LILRB4: variants seen among roughly 807,000 people sequenced by gnomAD.
LILRB4 encodes the protein leukocyte immunoglobulin-like receptor subfamily B member 4.
A neutral mutation model predicts 55.2 loss-of-function variants in LILRB4; 49 were observed. The ratio of observed to expected loss-of-function variants is 0.89; its 90% CI spans 0.71 to 1.13. The LOEUF (loss-of-function observed/expected upper bound fraction) is 1.13. LILRB4 is among the 50% of genes most tolerant of loss of function. The pLI, the probability that LILRB4 is intolerant of heterozygous loss-of-function variation, is 0.00. For synonymous variants in LILRB4, 229 were observed against 213.8 expected, an observed-to-expected ratio of 1.07 and a Z score of -0.62; for missense variants, 590 against 555.2, an observed-to-expected ratio of 1.06 and a Z score of -0.63.
In LILRB4 at chr19:54,666,108, T is replaced by A. The variant is rs2065250346; in HGVS notation, c.875-132T>A. 8.0e-7 allele frequency: 1 copy of A among 1,251,938 alleles called. No homozygotes were observed. Among genetic ancestry groups the A allele is most frequent in the Non-Finnish European group, 1.1e-6 (1 of 897,308 alleles). The allele number at this position is 1,251,938 out of a possible 1,614,324, so 77.6% of individuals were successfully genotyped here. A position where few individuals can be genotyped will look rare whatever the true frequency, so the allele number is the denominator to read the frequency against. On this transcript the variant is annotated intron_variant, in intron 7 of 11. Coordinates refer to ENST00000430952, the Ensembl canonical transcript of LILRB4. This position sits in a 1 kb window ranked among gnomAD's most constrained non-coding sequence, Gnocchi z 4.8. Reference sequence around the variant, plus strand: ...AATGGAAGTGCTTTATTCTTTCGGTTTTTCTAAACTTAGAAAGTATTTAAA... The same window carrying A: ...AATGGAAGTGCTTTATTCTTTCGGTATTTCTAAACTTAGAAAGTATTTAAA...
At chr19:54,664,466 C>A (rs1392509411) in exon 4 of LILRB4, 1 of 1,606,828 alleles carries the variant, frequency 6.2e-7, no homozygotes, top group East Asian at 2.2e-5. Flanking sequence ...CCAGTGACCC[C>A]CTGGAGCTCA....
chr19:54,665,715 G>A lies in LILRB4; in HGVS notation c.758-100G>A. 7.4e-7 allele frequency: 1 copy of A among 1,355,398 alleles called. No individual in the cohort carries two copies. Among genetic ancestry groups the A allele is most frequent in the Non-Finnish European group, 1.0e-6 (1 of 968,842 alleles). 84.0% of individuals were successfully genotyped at this position (1,355,398 alleles called of 1,614,324 possible). ...GGTTGCACAACTGCTGTGAGGGTTG[G>A]AGGTAATGAAAGAAAGACCCAGCAC... On this transcript the variant is annotated intron_variant, in intron 6 of 11. Transcript: ENST00000430952. The surrounding 1 kb of genome is among the most constrained non-coding windows in gnomAD (Gnocchi z 5.5).
Position 54,666,574 on chromosome 19 carries a change from CG to C in LILRB4, c.989-119del. The C allele has an allele frequency of 7.0e-7, 1 of 1,423,934 alleles. No homozygotes were observed. Among genetic ancestry groups the C allele is most frequent in the Non-Finnish European group, 9.8e-7 (1 of 1,021,442 alleles). 88.2% of individuals were successfully genotyped at this position (1,423,934 alleles called of 1,614,324 possible). A position where few individuals can be genotyped will look rare whatever the true frequency, so the allele number is the denominator to read the frequency against. On this transcript the variant is annotated intron_variant, in intron 9 of 11. Transcript: ENST00000430952. The surrounding 1 kb of genome is among the most constrained non-coding windows in gnomAD (Gnocchi z 4.8). Reference sequence around the variant, plus strand: ...GGTCTGAACCCACATTGTGGGACCTCGGGGACATCACAGCCCCTCCCTGCGT... The same window carrying C: ...GGTCTGAACCCACATTGTGGGACCTCGGGACATCACAGCCCCTCCCTGCGT...
At position 54,665,483 on chromosome 19, in the gene LILRB4, C is replaced by T. The variant is rs542998182; in HGVS notation, c.757+303C>T. The stretch of plus-strand genomic sequence containing the variant: ...GGTGACCTGGGGCAGGGGAGGGGAG[C>T]AGGGCGGTGGTTCAAGACAGTCAGG... On this transcript the variant is annotated intron_variant, in intron 6 of 11. Coordinates refer to ENST00000430952, the Ensembl canonical transcript of LILRB4. This position sits in a 1 kb window ranked among gnomAD's most constrained non-coding sequence, Gnocchi z 5.5. 2.6e-5 allele frequency among the ~76,000 whole-genome samples: 4 copies of T among 152,080 alleles called. No individual in the cohort carries two copies. In the East Asian group the frequency reaches 7.7e-4, roughly 29 times the overall value.
intron 4 of LILRB4, 40 bp from the exon 5 acceptor site, chr19:54,664,759 C>A: frequency 2.0e-6 from 3 of 1,476,990 alleles, no homozygotes; most frequent in South Asian, 1.3e-5. Context: ...GACCCAAGGG[C>A]AACCCCAGAC....
chr19:54,667,292 G>A (rs1214033714), intron 10 of LILRB4: 3 of 583,880 alleles, frequency 5.1e-6, no homozygotes, highest in East Asian at 6.9e-5. Context: ...AGGGAGGGCT[G>A]TCTGCTCAGC....
Position 54,666,377 on chromosome 19 carries a change from A to C in LILRB4, c.951-22A>C, listed in dbSNP as rs559536880. 1.8e-4 allele frequency: 298 copies of C among 1,613,398 alleles called. 2 individuals carry two copies. In the South Asian group the frequency reaches 2.9e-3, roughly 16 times the overall value. On this transcript the variant is annotated intron_variant, in intron 8 of 11. Transcript: ENST00000430952. This position sits in a 1 kb window ranked among gnomAD's most constrained non-coding sequence, Gnocchi z 4.8. ...CCAACAGCCACCTCACTGTCCCCTT[A>C]CACTCCCGTATCCTCCCCCAGGTCC...
In LILRB4 at chr19:54,666,215, T is replaced by C. The variant is rs1399950627; in HGVS notation, c.875-25T>C. ...CAGGTGGTTCTAACGTTCCCAGAGC[T>C]GAGACTCTGTCCATCTTCCCCCAGC... On this transcript the variant is annotated intron_variant, in intron 7 of 11. Coordinates refer to ENST00000430952, the Ensembl canonical transcript of LILRB4. This position sits in a 1 kb window ranked among gnomAD's most constrained non-coding sequence, Gnocchi z 4.8. 1.3e-6 allele frequency: 2 copies of C among 1,564,726 alleles called. No homozygotes were observed. The highest frequency in any genetic ancestry group is 2.2e-5 in the East Asian group (1 of 44,582).
At chr19:54,664,146 G>T in intron 3 of LILRB4, 40 bp from the exon 4 acceptor site, 1 of 1,470,672 alleles carries the variant, frequency 6.8e-7, no homozygotes, top group Non-Finnish European at 9.3e-7. Context: ...GATGTGGGAG[G>T]TGGGAGCCCC....
chr19:54,663,784 A>G, exon 3 of LILRB4: 1 of 1,614,056 alleles, frequency 6.2e-7, no homozygotes, highest in Non-Finnish European at 8.5e-7. Flanking sequence ...CTCTGGGCTG[A>G]GCCAGGCTCT....
Position 54,666,774 on chromosome 19 carries a change from C to T in LILRB4, c.1041+25C>T, listed in dbSNP as rs774073491. 29 of 1,607,290 alleles carry T rather than the reference C, an allele frequency of 1.8e-5. No homozygotes were observed. Among genetic ancestry groups the T allele is most frequent in the Non-Finnish European group, 2.5e-5 (29 of 1,174,012 alleles). On this transcript the variant is annotated intron_variant, in intron 10 of 11. Transcript: ENST00000430952. This position sits in a 1 kb window ranked among gnomAD's most constrained non-coding sequence, Gnocchi z 4.8. ...GGTGAGAACCCGCCCCTGTCCCCGGCACCAAAGGCCTCCTGGTGCCAGATC... is the reference window on the plus strand; with the variant it reads ...GGTGAGAACCCGCCCCTGTCCCCGGTACCAAAGGCCTCCTGGTGCCAGATC...
intron 3 of LILRB4, 22 bp from the exon 4 acceptor site, chr19:54,664,164 A>G (rs2065152760): frequency 6.2e-7 from 1 of 1,602,814 alleles, no homozygotes; most frequent in Non-Finnish European, 8.5e-7. Flanking sequence ...CCCATTTAAC[A>G]CGGTGCCTCC....
At chr19:54,667,726 C>T (rs2065354392) in exon 11 of LILRB4, 1 of 1,611,372 alleles carries the variant, frequency 6.2e-7, no homozygotes, top group Admixed American at 1.7e-5. Flanking sequence ...CCTCCCTCCC[C>T]ACTGTCTGGG....
At chr19:54,664,871 C>T (rs777190361) in intron 5 of LILRB4, 22 bp downstream of exon 5, 4 of 1,608,852 alleles carry the variant, frequency 2.5e-6, no homozygotes, top group Non-Finnish European at 3.4e-6. Context: ...AGGCCTCTGT[C>T]CAGAGAGTTT....
exon 4 of LILRB4, chr19:54,664,288 T>C (rs1309847824): frequency 1.2e-6 from 2 of 1,613,940 alleles, no homozygotes; most frequent in Middle Eastern, 1.6e-4. Flanking sequence ...ATGGACACTT[T>C]TCTTCTGATC....
At chr19:54,667,287 G>C in intron 10 of LILRB4, 1 of 581,456 alleles carries the variant, frequency 1.7e-6, no homozygotes, top group Non-Finnish European at 3.3e-6. Context: ...TGGAAAGGGA[G>C]GGCTGTCTGC....
exon 4 of LILRB4, chr19:54,664,481 C>G (rs773845687): frequency 1.3e-6 from 2 of 1,599,202 alleles, no homozygotes; most frequent in Non-Finnish European, 1.7e-6. Context: ...AGCTCATAGT[C>G]TCAGGTGAGG....
In LILRB4 at chr19:54,666,575, G is replaced by T. The variant is rs148675643; in HGVS notation, c.989-122G>T. ...GTCTGAACCCACATTGTGGGACCTC[G>T]GGGACATCACAGCCCCTCCCTGCGT... On this transcript the variant is annotated intron_variant, in intron 9 of 11. Transcript: ENST00000430952. The surrounding 1 kb of genome is among the most constrained non-coding windows in gnomAD (Gnocchi z 4.8). 2 of 1,423,444 alleles carry T rather than the reference G, an allele frequency of 1.4e-6. No homozygotes were observed. Among genetic ancestry groups the T allele is most frequent in the Admixed American group, 1.8e-5 (1 of 57,116 alleles). 88.2% of individuals were successfully genotyped at this position (1,423,444 alleles called of 1,614,324 possible).
chr19:54,664,931 G>A (rs570359241), intron 5 of LILRB4, 82 bp downstream of exon 5: 16 of 1,447,970 alleles, frequency 1.1e-5, no homozygotes, highest in East Asian at 4.7e-5. Context: ...CTAAGTCCTC[G>A]TTCCAATTCT....
Sources: gnomAD v4.1 joint callset for allele counts (sites outside exome capture counted in the v4.1 genomes callset) on GRCh38, gnomAD v4.1.1 for gene constraint, Gnocchi (gnomAD v3.1) non-coding constraint, MANE v1.5 for transcripts, NCBI Gene and HGNC (gene_info 2026-07-23, HGNC 2026-07-21) for gene names.